MGLL: variants seen among roughly 807,000 people sequenced by gnomAD.
The protein encoded by MGLL is lysophospholipase homolog.
Under a neutral mutation model 29.1 loss-of-function variants are expected in MGLL, and 7 were observed. The ratio of observed to expected loss-of-function variants is 0.24; its 90% CI spans 0.14 to 0.45. The LOEUF is 0.45. Ranked by LOEUF, MGLL falls within the 20% of genes least tolerant of loss-of-function variation. The pLI is 0.99. For missense variants in MGLL, 356 were observed against 413.6 expected, an observed-to-expected ratio of 0.86 and a Z score of 1.21; for synonymous variants, 148 against 168.3, an observed-to-expected ratio of 0.88 and a Z score of 0.93.
Position 127,822,400 on chromosome 3 carries a change from C to A in MGLL, c.-82G>T. ...AAATCGGGCTGTTCCCTCATCTGGG[C>A]GGCCCCAAGGCAGCAGGAAGGCAGC... is the stretch of plus-strand genomic sequence containing the variant. On this transcript the variant is annotated 5_prime_UTR_variant, in exon 1 of 8. Coordinates refer to ENST00000265052, the MANE Select transcript of MGLL (RefSeq NM_007283.7). The A allele has an allele frequency of 6.7e-7, 1 of 1,497,906 alleles. No individual in the cohort carries two copies. Among genetic ancestry groups the A allele is most frequent in the Non-Finnish European group, 9.3e-7 (1 of 1,076,238 alleles). The allele number at this position is 1,497,906 out of a possible 1,614,324, so 92.8% of individuals were successfully genotyped here.
intron 2 of MGLL, among the ~76,000 whole-genome samples, chr3:127,814,633 C>T (rs1342533923): frequency 6.6e-6 from 1 of 152,204 alleles, no homozygotes; most frequent in African/African-American, 2.4e-5. Flanking sequence ...TTCGACTCTA[C>T]TGCAAAACAA....
intron 6 of MGLL, among the ~76,000 whole-genome samples, chr3:127,705,755 G>A (rs545852445): frequency 2.1e-5 from 3 of 142,172 alleles, no homozygotes; most frequent in Admixed American, 1.4e-4. Flanking sequence ...CAGCCTGGGC[G>A]ACGAGAGAGA....
At chr3:127,816,395 A>T (rs2077756499) in intron 2 of MGLL, among the ~76,000 whole-genome samples, 2 of 152,234 alleles carry the variant, frequency 1.3e-5, no homozygotes, top group African/African-American at 4.8e-5. Context: ...AGGAAAAGCC[A>T]GTCCCACCTT....
chr3:127,783,253 G>A (rs573774630), intron 2 of MGLL, among the ~76,000 whole-genome samples: 1 of 152,132 alleles, frequency 6.6e-6, no homozygotes, highest in African/African-American at 2.4e-5. Context: ...TGGTCTCCAG[G>A]AAGCTGCTAT....
At chr3:127,794,907 T>G (rs941041929) in intron 2 of MGLL, among the ~76,000 whole-genome samples, 1 of 152,226 alleles carries the variant, frequency 6.6e-6, no homozygotes, top group East Asian at 1.9e-4. Context: ...TGGAAGAAAG[T>G]TAATGTGTGT....
rs78264159 is a variant in MGLL, at chr3:127,746,452, G to A, written c.263-23886C>T. 7.8e-3 allele frequency among the ~76,000 whole-genome samples: 1,184 copies of A among 152,012 alleles called. 7 individuals are homozygous for A. The highest frequency in any genetic ancestry group is 0.026 in the African/African-American group (1,087 of 41,432). On this transcript the variant is annotated intron_variant, in intron 3 of 7. Transcript: ENST00000265052. ...GCCACGATCTTCCCTTCTCCACCCTGCCCTCCCTTTTCTCTCTGGTTCTGG... is the reference window on the plus strand; with the variant it reads ...GCCACGATCTTCCCTTCTCCACCCTACCCTCCCTTTTCTCTCTGGTTCTGG...
chr3:127,771,455 C>T (rs1160036236), intron 3 of MGLL, among the ~76,000 whole-genome samples: 5 of 152,118 alleles, frequency 3.3e-5, no homozygotes, highest in Admixed American at 2.0e-4. Flanking sequence ...TTCAAGCGAT[C>T]CCAAGTAGCT....
In MGLL at chr3:127,695,177, T is replaced by C. The variant is rs1271744536; in HGVS notation, c.614A>G (p.Asn205Ser). 3.1e-6 allele frequency: 5 copies of C among 1,613,786 alleles called. No individual in the cohort carries two copies. Among genetic ancestry groups the C allele is most frequent in the African/African-American group, 2.7e-5 (2 of 74,908 alleles). The change falls in exon 7 of 8, where the codon AAC becomes AGC. Residue 205 changes from asparagine to serine, a missense_variant. Physicochemically the swap from Asn to Ser is conservative, Grantham distance 46. Transcript: ENST00000265052. ...TGCCCGGCAGATCAGGGGGTCTGAG[T>C]TATAAATGTCGACCTGGAGGAAGAA... The part of the protein sequence containing the change: ...SRNKTEVDIY[N>S]SDPLICRAGL...
chr3:127,814,484 A>G (rs2077719105), intron 2 of MGLL, among the ~76,000 whole-genome samples: 1 of 152,248 alleles, frequency 6.6e-6, no homozygotes, highest in Admixed American at 6.5e-5. Flanking sequence ...CTCCGTGTAT[A>G]CAATGACCAA....
intron 3 of MGLL, among the ~76,000 whole-genome samples, chr3:127,755,395 T>C (rs1401825007): frequency 1.3e-5 from 2 of 152,158 alleles, no homozygotes; most frequent in Non-Finnish European, 2.9e-5. Context: ...GGGTCTCAGC[T>C]CCTTCCCTTA....
intron 3 of MGLL, among the ~76,000 whole-genome samples, chr3:127,757,875 C>T (rs1245283139): frequency 6.6e-6 from 1 of 152,224 alleles, no homozygotes; most frequent in East Asian, 1.9e-4. Flanking sequence ...GAAACGCACA[C>T]TTGCTTACAC....
chr3:127,781,636 TTTTG>T lies in MGLL; in HGVS notation c.262+149_262+152del, dbSNP rs564462379. Among the ~76,000 whole-genome samples, 267 of 152,336 alleles carry T rather than the reference TTTTG, an allele frequency of 1.8e-3. 2 individuals carry two copies. Among genetic ancestry groups the T allele is most frequent in the African/African-American group, 6.2e-3 (257 of 41,568 alleles). ...ACAGAATCTGCTCGTCAGACATTTT[TTTTG>T]TTTGTTTGCATAACTACATTTTTTT... On this transcript the variant is annotated intron_variant, in intron 3 of 7. Coordinates refer to ENST00000265052, the MANE Select transcript of MGLL (RefSeq NM_007283.7).
At chr3:127,741,568 G>A (rs1439411681) in intron 3 of MGLL, among the ~76,000 whole-genome samples, 1 of 152,054 alleles carries the variant, frequency 6.6e-6, no homozygotes, top group Admixed American at 6.5e-5. Context: ...GCGGGCAGAG[G>A]TTTGTGGGGA....
chr3:127,758,602 T>C (rs1459124960), intron 3 of MGLL, among the ~76,000 whole-genome samples: 1 of 152,244 alleles, frequency 6.6e-6, no homozygotes, highest in African/African-American at 2.4e-5. Flanking sequence ...GTTCCGTTGT[T>C]AGTGCTGACA....
intron 3 of MGLL, among the ~76,000 whole-genome samples, chr3:127,770,447 T>C (rs773068134): frequency 4.7e-4 from 71 of 152,088 alleles, no homozygotes; most frequent in Admixed American, 2.8e-3. Flanking sequence ...CCCTCTAGGT[T>C]TCTGGGACCC....
At chr3:127,790,204 C>T (rs769571836) in intron 2 of MGLL, among the ~76,000 whole-genome samples, 14 of 152,172 alleles carry the variant, frequency 9.2e-5, no homozygotes, top group Non-Finnish European at 1.6e-4. Context: ...GAAGTGGGTA[C>T]TAATGGTAGC....
intron 2 of MGLL, among the ~76,000 whole-genome samples, chr3:127,785,277 C>A (rs112208994): frequency 9.8e-5 from 15 of 152,296 alleles, no homozygotes; most frequent in South Asian, 4.1e-4. Flanking sequence ...CTGGTCTGGC[C>A]GGCCCTTCCC....
chr3:127,706,506 G>A (rs374422659), intron 6 of MGLL, among the ~76,000 whole-genome samples: 1 of 152,164 alleles, frequency 6.6e-6, no homozygotes, highest in East Asian at 1.9e-4. Flanking sequence ...GACTGGGAGC[G>A]GGTCCAGAGC....
In MGLL at chr3:127,795,106, A is replaced by C. The variant is rs540791097; in HGVS notation, c.156-13211T>G. 1.1e-4 allele frequency among the ~76,000 whole-genome samples: 16 copies of C among 152,360 alleles called. No individual in the cohort carries two copies. In the South Asian group the frequency reaches 3.3e-3, roughly 32 times the overall value. ...TCATCACAGCAATATTCATGATAGC[A>C]AAGACATGGAATCAACCTAGGTGCC... On this transcript the variant is annotated intron_variant, in intron 2 of 7. Coordinates refer to ENST00000265052, the MANE Select transcript of MGLL (RefSeq NM_007283.7).
Sources: gnomAD v4.1 joint callset for allele counts (sites outside exome capture counted in the v4.1 genomes callset) on GRCh38, gnomAD v4.1.1 for gene constraint, MANE v1.5 for transcripts, NCBI Gene and HGNC (gene_info 2026-07-23, HGNC 2026-07-21) for gene names.